PDGFRL: variants seen among roughly 807,000 people sequenced by gnomAD.
The protein encoded by PDGFRL is platelet derived growth factor receptor like, also known as platelet-derived growth factor receptor-like protein.
Under a neutral mutation model 37.2 loss-of-function variants are expected in PDGFRL, and 46 were observed. That is an observed-to-expected ratio of 1.24 (90% CI 0.98 to 1.58). PDGFRL has a LOEUF of 1.58. Ranked by LOEUF, PDGFRL falls within the 40% of genes most tolerant of loss-of-function variation. PDGFRL has a pLI of 0.00. For missense variants in PDGFRL, 692 were observed against 467.6 expected, an observed-to-expected ratio of 1.48 and a Z score of -4.43; for synonymous variants, 251 against 184.3, an observed-to-expected ratio of 1.36 and a Z score of -2.93.
intron 2 of PDGFRL, among the ~76,000 whole-genome samples, chr8:17,600,428 C>T (rs541876999): frequency 2.6e-5 from 4 of 152,228 alleles, no homozygotes; most frequent in Non-Finnish European, 4.4e-5. Context: ...CGAATGCCCT[C>T]GATTTGTCCT....
chr8:17,611,748 T>G (rs992972703), intron 2 of PDGFRL, among the ~76,000 whole-genome samples: 3 of 152,012 alleles, frequency 2.0e-5, no homozygotes, highest in Non-Finnish European at 2.9e-5. Flanking sequence ...GAACTGGAGG[T>G]AATGATAAAA....
At chr8:17,628,407 G>T in intron 3 of PDGFRL, 80 bp from the exon 4 acceptor site, 2 of 1,070,142 alleles carry the variant, frequency 1.9e-6, no homozygotes, top group Non-Finnish European at 2.9e-6. Flanking sequence ...AGTATTCAGA[G>T]TATGCTGCCA....
At chr8:17,633,183 C>G (rs946954418) in intron 4 of PDGFRL, among the ~76,000 whole-genome samples, 1 of 152,158 alleles carries the variant, frequency 6.6e-6, no homozygotes, top group African/African-American at 2.4e-5. Context: ...AATCCCAGCA[C>G]TATGGGAGGT....
intron 2 of PDGFRL, chr8:17,596,187 C>T (rs1804048286): frequency 2.4e-6 from 1 of 420,642 alleles, no homozygotes; most frequent in Non-Finnish European, 4.0e-6. Context: ...TAGGAGCCCA[C>T]ATTCAATCCA....
intron 5 of PDGFRL, among the ~76,000 whole-genome samples, chr8:17,638,786 T>TATATATATATATATA (rs751775328): frequency 1.9e-5 from 2 of 102,830 alleles, no homozygotes; most frequent in Admixed American, 2.3e-4. Flanking sequence ...TATATATATA[T>TATATATATATATATA]AATTGTGATA....
At chr8:17,616,207 T>TATTG (rs1489190802) in intron 2 of PDGFRL, among the ~76,000 whole-genome samples, 1 of 145,418 alleles carries the variant, frequency 6.9e-6, no homozygotes, top group Non-Finnish European at 1.5e-5. Flanking sequence ...TTTATTTATT[T>TATTG]ATTTCTGAGA....
intron 2 of PDGFRL, among the ~76,000 whole-genome samples, chr8:17,594,039 T>G (rs63473660): frequency 6.6e-6 from 1 of 152,100 alleles, no homozygotes; most frequent in Non-Finnish European, 1.5e-5. Context: ...TAGCATTCTT[T>G]CCTGGCAGTC....
At chr8:17,604,801 C>T (rs1282014046) in intron 2 of PDGFRL, among the ~76,000 whole-genome samples, 1 of 152,038 alleles carries the variant, frequency 6.6e-6, no homozygotes, top group Non-Finnish European at 1.5e-5. Context: ...GATTTAAAGC[C>T]TTTCTAAATA....
At chr8:17,640,667 G>A (rs1805072729) in intron 5 of PDGFRL, among the ~76,000 whole-genome samples, 1 of 152,170 alleles carries the variant, frequency 6.6e-6, no homozygotes, top group Non-Finnish European at 1.5e-5. Flanking sequence ...CTGCTCTAAT[G>A]GAGGTGGCAG....
At chr8:17,630,862 G>A (rs1051903288) in intron 4 of PDGFRL, among the ~76,000 whole-genome samples, 3 of 152,154 alleles carry the variant, frequency 2.0e-5, no homozygotes, top group Non-Finnish European at 4.4e-5. Flanking sequence ...ATGCAGCCTC[G>A]CCTTCTCCTG....
chr8:17,604,303 C>T (rs1278950593), intron 2 of PDGFRL, among the ~76,000 whole-genome samples: 1 of 152,166 alleles, frequency 6.6e-6, no homozygotes, highest in South Asian at 2.1e-4. Flanking sequence ...TATAGCGGCA[C>T]TATTCACAAT....
chr8:17,589,574 C>T lies in PDGFRL; in HGVS notation c.162C>T (p.Asp54=), dbSNP rs773885075. ...AGCCCAAAATTCCTAAAATGAAGGACAGGGACTCAGCCAATTCAGCACCAA... is the reference window on the plus strand; with the variant it reads ...AGCCCAAAATTCCTAAAATGAAGGATAGGGACTCAGCCAATTCAGCACCAA... ...KVKPKIPKMK[D]RDSANSAPKT... is the part of the protein sequence containing the mutation. Residue 54 remains aspartate (D), a synonymous_variant, in exon 2 of 6, where the codon GAC becomes GAT. Coordinates refer to ENST00000251630, the MANE Select transcript of PDGFRL (RefSeq NM_001372073.1). The T allele has an allele frequency of 4.5e-5, 73 of 1,613,520 alleles. 2 individuals carry two copies. In the South Asian group the frequency reaches 7.5e-4, roughly 17 times the overall value.
intron 2 of PDGFRL, among the ~76,000 whole-genome samples, chr8:17,612,569 C>T (rs150310722): frequency 1.5e-3 from 235 of 152,264 alleles, no homozygotes; most frequent in African/African-American, 5.3e-3. Flanking sequence ...TGTGGTTTCA[C>T]CATATTGGCC....
chr8:17,599,112 C>T (rs555334604), intron 2 of PDGFRL, among the ~76,000 whole-genome samples: 3 of 152,134 alleles, frequency 2.0e-5, no homozygotes, highest in Admixed American at 6.5e-5. Context: ...CACATTGCAC[C>T]TTTATGTCTT....
intron 2 of PDGFRL, among the ~76,000 whole-genome samples, chr8:17,605,498 G>C (rs888551629): frequency 2.0e-5 from 3 of 152,136 alleles, no homozygotes; most frequent in Non-Finnish European, 2.9e-5. Context: ...TTTGTTTCTT[G>C]AATCTCATCA....
At chr8:17,610,928 T>C (rs1585317906) in intron 2 of PDGFRL, among the ~76,000 whole-genome samples, 1 of 103,444 alleles carries the variant, frequency 9.7e-6, no homozygotes, top group Non-Finnish European at 2.1e-5. Flanking sequence ...TACACGAGAA[T>C]TGATGATTTC....
chr8:17,590,149 C>T lies in PDGFRL; in HGVS notation c.353+384C>T, dbSNP rs190880850. ...AGGAGGCTGAGGCAGGAGAATGGTG[C>T]GAACCTGGGAGGTGGAGCTTGCATT... On this transcript the variant is annotated intron_variant, in intron 2 of 5. Coordinates refer to ENST00000251630, the MANE Select transcript of PDGFRL (RefSeq NM_001372073.1). 9.3e-3 allele frequency among the ~76,000 whole-genome samples: 1,350 copies of T among 145,070 alleles called. 11 individuals are homozygous for T. The highest frequency in any genetic ancestry group is 0.014 in the Non-Finnish European group (918 of 66,950).
intron 2 of PDGFRL, among the ~76,000 whole-genome samples, chr8:17,600,641 A>T (rs1487665910): frequency 6.6e-6 from 1 of 151,894 alleles, no homozygotes; most frequent in East Asian, 1.9e-4. Flanking sequence ...TCTCTAAAAA[A>T]AAAATTGTTT....
chr8:17,641,109 C>G (rs1441413148), intron 5 of PDGFRL, among the ~76,000 whole-genome samples: 3 of 152,142 alleles, frequency 2.0e-5, no homozygotes, highest in African/African-American at 7.2e-5. Context: ...AAGGGCCGGT[C>G]TCACTCCCTC....
Sources: allele counts gnomAD v4.1 joint callset (sites outside exome capture counted in the v4.1 genomes callset), GRCh38; gene constraint gnomAD v4.1.1; transcripts MANE v1.5; gene names NCBI Gene and HGNC (gene_info 2026-07-23, HGNC 2026-07-21).